Variants in FBXO4 observed in about 807,000 individuals in gnomAD.
FBXO4 encodes F-box only protein 4.
In FBXO4, 36 loss-of-function variants were observed where a neutral mutation model predicts 43.7. The ratio of observed to expected loss-of-function variants is 0.82; its 90% CI spans 0.63 to 1.09. The LOEUF (loss-of-function observed/expected upper bound fraction) is 1.09, where lower values mean the gene tolerates loss of function less well. FBXO4 is among the 50% of genes least tolerant of loss of function. The pLI is 0.00. For missense variants in FBXO4, 435 were observed against 474.1 expected, an observed-to-expected ratio of 0.92 and a Z score of 0.77; for synonymous variants, 180 against 165.6, an observed-to-expected ratio of 1.09 and a Z score of -0.67.
At chr5:41,956,703 TTTC>T in the FBXO4 span, among the ~76,000 whole-genome samples, 6 of 151,280 alleles carry the variant, frequency 4.0e-5, no homozygotes, top group African/African-American at 1.5e-4. Context: ...GTAATTTTTT[TTTC>T]TTCTTCTTTT....
the FBXO4 span, among the ~76,000 whole-genome samples, chr5:41,961,312 GT>G: frequency 6.6e-6 from 1 of 152,150 alleles, no homozygotes; most frequent in South Asian, 2.1e-4. Flanking sequence ...CACTGGGGAA[GT>G]TGTGGCTGAA....
At chr5:41,992,985 G>GA in the FBXO4 span, among the ~76,000 whole-genome samples, 1 of 152,288 alleles carries the variant, frequency 6.6e-6, no homozygotes, top group Admixed American at 6.5e-5. Context: ...ACTGAGAAGA[G>GA]AAAATTGTGA....
chr5:42,034,124 G>A, the FBXO4 span, among the ~76,000 whole-genome samples: 1 of 150,154 alleles, frequency 6.7e-6, no homozygotes, highest in Non-Finnish European at 1.5e-5. Flanking sequence ...GTGATGTTAA[G>A]CTTTTTTTTT....
At chr5:42,033,977 A>G in the FBXO4 span, among the ~76,000 whole-genome samples, 1 of 152,240 alleles carries the variant, frequency 6.6e-6, no homozygotes, top group Non-Finnish European at 1.5e-5. Context: ...ATTCATTACC[A>G]CCAATAGTGT....
chr5:41,963,599 A>G, the FBXO4 span, among the ~76,000 whole-genome samples: 6 of 152,206 alleles, frequency 3.9e-5, no homozygotes, highest in Non-Finnish European at 8.8e-5. Flanking sequence ...TTACAATTAA[A>G]AAACTAGAGA....
At chr5:42,033,625 G>A in the FBXO4 span, among the ~76,000 whole-genome samples, 1 of 152,074 alleles carries the variant, frequency 6.6e-6, no homozygotes, top group African/African-American at 2.4e-5. Flanking sequence ...CTGAGAACAT[G>A]CAGTGTTTTG....
At chr5:42,011,754 AGT>A in the FBXO4 span, among the ~76,000 whole-genome samples, 1 of 152,184 alleles carries the variant, frequency 6.6e-6, no homozygotes, top group Admixed American at 6.5e-5. Flanking sequence ...TCCTATGTAG[AGT>A]GTGTGCAGTA....
chr5:42,039,109 G>T, the FBXO4 span, among the ~76,000 whole-genome samples: 1 of 151,932 alleles, frequency 6.6e-6, no homozygotes, highest in African/African-American at 2.4e-5. Flanking sequence ...TGAGAGCCCC[G>T]GTATAGTAAA....
downstream of FBXO4, among the ~76,000 whole-genome samples, chr5:41,945,661 G>A (rs777257789): frequency 3.3e-5 from 5 of 152,180 alleles, no homozygotes; most frequent in Non-Finnish European, 7.3e-5. Context: ...AATGGAATGC[G>A]ACCCTTATGG....
intron 3 of FBXO4, among the ~76,000 whole-genome samples, chr5:41,931,621 T>A (rs1329614887): frequency 6.6e-6 from 1 of 152,234 alleles, no homozygotes; most frequent in African/African-American, 2.4e-5. Flanking sequence ...TAACAGGCAC[T>A]CTCTGTATAT....
At chr5:42,038,369 G>A in the FBXO4 span, among the ~76,000 whole-genome samples, 1 of 152,038 alleles carries the variant, frequency 6.6e-6, no homozygotes, top group South Asian at 2.1e-4. Flanking sequence ...TCCAATAAAG[G>A]GGAAAGGACA....
the FBXO4 span, among the ~76,000 whole-genome samples, chr5:41,973,608 G>A: frequency 6.6e-6 from 1 of 152,184 alleles, no homozygotes; most frequent in Non-Finnish European, 1.5e-5. Context: ...TTGAACCCAT[G>A]AGGTTGAGGC....
the FBXO4 span, among the ~76,000 whole-genome samples, chr5:41,992,671 G>A: frequency 2.6e-5 from 4 of 152,138 alleles, 1 homozygote; most frequent in Admixed American, 2.0e-4. Context: ...ATTTCATTGG[G>A]GAGATATTTT....
chr5:41,925,380 A>T lies in FBXO4; in HGVS notation c.71A>T (p.Glu24Val), dbSNP rs1043639734. The change falls in exon 1 of 7, where the codon GAG (glutamate) becomes GTG (valine). Residue 24 changes from glutamate to valine, a missense_variant. Glu to Val is a moderately radical substitution (Grantham distance 121, BLOSUM62 -2). Coordinates refer to ENST00000281623, the MANE Select transcript of FBXO4 (RefSeq NM_012176.3). ...CCCTTCAGCGACTGGGGCCGCCTGG[A>T]GGCGGCCATCCTCAGCGGCTGGAAG... ...PPPFSDWGRLEAAILSGWKTF... is the reference protein window; with the variant it reads ...PPPFSDWGRLVAAILSGWKTF... 10 of 1,380,976 alleles carry T rather than the reference A, an allele frequency of 7.2e-6. No individual in the cohort carries two copies. In the African/African-American group the frequency reaches 1.1e-4, roughly 15 times the overall value. 85.5% of individuals were successfully genotyped at this position (1,380,976 alleles called of 1,614,324 possible).
chr5:42,040,050 G>T, the FBXO4 span, among the ~76,000 whole-genome samples: 79 of 152,186 alleles, frequency 5.2e-4, no homozygotes, highest in Non-Finnish European at 3.2e-4. Flanking sequence ...GTAAGATCCT[G>T]AGCACAGCAC....
chr5:41,930,761 G>A lies in FBXO4; in HGVS notation c.646+844G>A, dbSNP rs369056963. On this transcript the variant is annotated intron_variant, in intron 3 of 6. Transcript: ENST00000281623. ...CGGCTCACTGCCAGCTCCGCCTCCCGGGTTCACACCATTCTCCCGAGTAGC... is the reference window on the plus strand; with the variant it reads ...CGGCTCACTGCCAGCTCCGCCTCCCAGGTTCACACCATTCTCCCGAGTAGC... 3.8e-3 allele frequency among the ~76,000 whole-genome samples: 566 copies of A among 150,630 alleles called. 6 individuals carry two copies. The highest frequency in any genetic ancestry group is 0.013 in the African/African-American group (537 of 40,874).
rs1375456340 is a variant in FBXO4, at chr5:41,934,224, C to T, written c.814C>T (p.Arg272Trp). 5 of 1,614,030 alleles carry T rather than the reference C, an allele frequency of 3.1e-6. No homozygotes were observed. Among genetic ancestry groups the T allele is most frequent in the African/African-American group, 1.3e-5 (1 of 75,016 alleles). The change falls in exon 5 of 7, where the codon CGG becomes TGG. Residue 272 changes from arginine (R) to tryptophan (W), a missense_variant. Physicochemically the swap from Arg to Trp is moderately radical, Grantham distance 101 (BLOSUM62 -3). Coordinates refer to ENST00000281623, the MANE Select transcript of FBXO4 (RefSeq NM_012176.3). Reference protein sequence around the residue: ...HNEGDDQQGSRYSVIPQIQKV... With the variant: ...HNEGDDQQGSWYSVIPQIQKV... ...TGAAGGTGATGATCAACAAGGAAGCCGGTACAGTGTGATTCCACAGATTCA... is the reference window on the plus strand; with the variant it reads ...TGAAGGTGATGATCAACAAGGAAGCTGGTACAGTGTGATTCCACAGATTCA...
chr5:41,979,110 C>T, the FBXO4 span, among the ~76,000 whole-genome samples: 9 of 152,112 alleles, frequency 5.9e-5, no homozygotes, highest in Non-Finnish European at 1.3e-4. Context: ...TTAAGCAGTG[C>T]CTGGATTTTG....
At chr5:42,033,981 A>G in the FBXO4 span, among the ~76,000 whole-genome samples, 4 of 152,356 alleles carry the variant, frequency 2.6e-5, no homozygotes, top group East Asian at 7.7e-4. Flanking sequence ...ATTACCACCA[A>G]TAGTGTAAAA....
Sources: allele counts gnomAD v4.1 joint callset (sites outside exome capture counted in the v4.1 genomes callset), GRCh38; gene constraint gnomAD v4.1.1; transcripts MANE v1.5; gene names NCBI Gene and HGNC (gene_info 2026-07-23, HGNC 2026-07-21).